Variants in NDUFAF2 observed in about 807,000 individuals in gnomAD.
NDUFAF2 encodes NADH dehydrogenase [ubiquinone] 1 alpha subcomplex assembly factor 2.
NDUFAF2 carries 13 observed loss-of-function variants against 22.8 expected under a neutral mutation model. That is an observed-to-expected ratio of 0.57 (90% CI 0.37 to 0.91). NDUFAF2 has a LOEUF of 0.91. Among genes scored for constraint, NDUFAF2 ranks in the 40% least tolerant of loss-of-function variants. The probability of loss-of-function intolerance (pLI) is 0.01; values close to 1 mark genes in which losing one functional copy is unlikely to be tolerated. For missense variants in NDUFAF2, 162 were observed against 195.2 expected (o/e 0.83, Z 1.01); for synonymous variants, 53 against 64.2 (o/e 0.83, Z 0.84).
intron 1 of NDUFAF2, among the ~76,000 whole-genome samples, chr5:61,014,985 C>T (rs1338160641): frequency 6.6e-6 from 1 of 152,080 alleles, no homozygotes; most frequent in Non-Finnish European, 1.5e-5. Context: ...ATTCAACACC[C>T]ATGATATAGG....
chr5:61,011,747 G>T (rs974259636), intron 1 of NDUFAF2, among the ~76,000 whole-genome samples: 1 of 151,982 alleles, frequency 6.6e-6, no homozygotes, highest in Non-Finnish European at 1.5e-5. Context: ...GTTATCATTG[G>T]TCTTCCCTGG....
At chr5:61,025,190 A>G (rs1243977065) in intron 1 of NDUFAF2, among the ~76,000 whole-genome samples, 1 of 151,974 alleles carries the variant, frequency 6.6e-6, no homozygotes, top group Non-Finnish European at 1.5e-5. Flanking sequence ...AAAGGACTGT[A>G]TTCTGCACAT....
intron 1 of NDUFAF2, among the ~76,000 whole-genome samples, chr5:61,005,664 TG>T (rs1197403446): frequency 5.9e-5 from 9 of 152,236 alleles, no homozygotes; most frequent in African/African-American, 2.2e-4. Context: ...ATTGAGGTTT[TG>T]ATTTGCATTT....
At chr5:61,082,582 T>C (rs1580126358) in intron 2 of NDUFAF2, among the ~76,000 whole-genome samples, 1 of 152,284 alleles carries the variant, frequency 6.6e-6, no homozygotes, top group Non-Finnish European at 1.5e-5. Flanking sequence ...TGATGTATAC[T>C]CAGTATTTAG....
At chr5:60,965,650 T>A (rs894304695) in intron 1 of NDUFAF2, among the ~76,000 whole-genome samples, 1 of 152,204 alleles carries the variant, frequency 6.6e-6, no homozygotes, top group African/African-American at 2.4e-5. Flanking sequence ...TTATTTCACT[T>A]AGCGTAGTAT....
chr5:61,093,788 G>A (rs1752601307), intron 2 of NDUFAF2, among the ~76,000 whole-genome samples: 1 of 152,154 alleles, frequency 6.6e-6, no homozygotes, highest in Admixed American at 6.5e-5. Context: ...GAATGAGTTA[G>A]GGAGGAGTCC....
intron 3 of NDUFAF2, among the ~76,000 whole-genome samples, chr5:61,147,433 C>CTTTTTTTTTTTTTTT (rs1561139813): frequency 4.2e-5 from 2 of 47,462 alleles, no homozygotes; most frequent in East Asian, 3.0e-3. Flanking sequence ...ATTTTTTTTT[C>CTTTTTTTTTTTTTTT]TTTCTTTTTT....
intron 3 of NDUFAF2, among the ~76,000 whole-genome samples, chr5:61,113,659 A>G: frequency 6.6e-6 from 1 of 152,278 alleles, no homozygotes; most frequent in East Asian, 1.9e-4. Context: ...GTGAAGAAGG[A>G]CATGTTTGCT....
intron 3 of NDUFAF2, among the ~76,000 whole-genome samples, chr5:61,133,663 A>G (rs750652900): frequency 6.6e-6 from 1 of 152,220 alleles, no homozygotes; most frequent in Non-Finnish European, 1.5e-5. Flanking sequence ...TTATAATACA[A>G]CTGCACTATA....
chr5:61,080,885 C>G (rs1157547496), intron 2 of NDUFAF2, among the ~76,000 whole-genome samples: 1 of 151,532 alleles, frequency 6.6e-6, no homozygotes, highest in South Asian at 2.1e-4. Context: ...TCATTTTTTT[C>G]TTTTATATAT....
intron 2 of NDUFAF2, among the ~76,000 whole-genome samples, chr5:61,097,004 A>AGG (rs1443203510): frequency 6.6e-6 from 1 of 152,172 alleles, no homozygotes; most frequent in Admixed American, 6.5e-5. Flanking sequence ...AAGAATAACA[A>AGG]GGGTAGAAAT....
chr5:61,040,276 A>ACGCG (rs1330723728), intron 1 of NDUFAF2, among the ~76,000 whole-genome samples: 4 of 120,704 alleles, frequency 3.3e-5, no homozygotes, highest in African/African-American at 1.6e-4. Context: ...ACACACACAC[A>ACGCG]CACACACACA....
At chr5:61,115,756 A>G (rs1271480397) in intron 3 of NDUFAF2, 2 of 152,186 alleles carry the variant, frequency 1.3e-5, no homozygotes, top group East Asian at 1.9e-4. Context: ...ACTTTGCTGT[A>G]AGGAAAAGTA....
intron 2 of NDUFAF2, among the ~76,000 whole-genome samples, chr5:61,092,495 T>A (rs1752581480): frequency 6.6e-6 from 1 of 152,156 alleles, no homozygotes; most frequent in Non-Finnish European, 1.5e-5. Flanking sequence ...TAGTTTGTAA[T>A]TTGGCTCTCT....
At chr5:60,967,720 A>C (rs1008874323) in intron 1 of NDUFAF2, among the ~76,000 whole-genome samples, 1 of 151,640 alleles carries the variant, frequency 6.6e-6, no homozygotes, top group Non-Finnish European at 1.5e-5. Context: ...TGATCTTTTT[A>C]ATGTACCCTT....
intron 3 of NDUFAF2, among the ~76,000 whole-genome samples, chr5:61,134,782 A>C (rs1438887660): frequency 1.3e-5 from 2 of 152,232 alleles, no homozygotes; most frequent in Non-Finnish European, 2.9e-5. Flanking sequence ...TAGATAGCAG[A>C]ATCACACAGG....
chr5:61,022,351 A>G (rs900820478), intron 1 of NDUFAF2, among the ~76,000 whole-genome samples: 10 of 152,144 alleles, frequency 6.6e-5, no homozygotes, highest in African/African-American at 2.4e-4. Flanking sequence ...CTTTACACAT[A>G]TATTTCCCAA....
intron 1 of NDUFAF2, among the ~76,000 whole-genome samples, chr5:60,974,842 G>A (rs1750881341): frequency 6.6e-6 from 1 of 152,100 alleles, no homozygotes; most frequent in Admixed American, 6.6e-5. Context: ...TTGAGACAGG[G>A]TCTCACTGTG....
chr5:60,992,848 C>G (rs895646110), intron 1 of NDUFAF2, among the ~76,000 whole-genome samples: 1 of 152,174 alleles, frequency 6.6e-6, no homozygotes, highest in Non-Finnish European at 1.5e-5. Flanking sequence ...TCAGGCCACT[C>G]TCTCCTGTCC....
Sources: allele counts gnomAD v4.1 joint callset (sites outside exome capture counted in the v4.1 genomes callset), GRCh38; gene constraint gnomAD v4.1.1; transcripts MANE v1.5; gene names NCBI Gene and HGNC (gene_info 2026-07-23, HGNC 2026-07-21).